GPC5: variants seen among roughly 807,000 people sequenced by gnomAD.
The protein encoded by GPC5 is glypican-5.
In GPC5, 47 loss-of-function variants were observed where a neutral mutation model predicts 53.9. The ratio of observed to expected loss-of-function variants is 0.87; its 90% CI spans 0.69 to 1.11. GPC5 has a LOEUF of 1.11. GPC5 is among the 50% of genes most tolerant of loss of function. The pLI, the probability that GPC5 is intolerant of heterozygous loss-of-function variation, is 0.00. For missense variants in GPC5, 748 were observed against 713.1 expected (o/e 1.05, Z -0.56); for synonymous variants, 286 against 263.3 (o/e 1.09, Z -0.84).
At chr13:91,846,918 G>A (rs2038855603) in intron 5 of GPC5, among the ~76,000 whole-genome samples, 1 of 151,966 alleles carries the variant, frequency 6.6e-6, no homozygotes, top group Admixed American at 6.6e-5. Context: ...TTATAATTTT[G>A]TGCAACTGAA....
At chr13:92,479,947 G>A (rs1455466194) in intron 7 of GPC5, among the ~76,000 whole-genome samples, 2 of 152,028 alleles carry the variant, frequency 1.3e-5, no homozygotes, top group African/African-American at 4.8e-5. Flanking sequence ...ATACCTTGAG[G>A]GAACTACAGT....
intron 2 of GPC5, among the ~76,000 whole-genome samples, chr13:91,688,029 T>G (rs1254888856): frequency 6.6e-6 from 1 of 152,080 alleles, no homozygotes; most frequent in Non-Finnish European, 1.5e-5. Context: ...TTTTGTTACT[T>G]GACAGTTATT....
At chr13:92,230,330 T>C (rs2139099791) in intron 7 of GPC5, among the ~76,000 whole-genome samples, 1 of 152,312 alleles carries the variant, frequency 6.6e-6, no homozygotes. Context: ...CTGTGATTTC[T>C]TTTAAAAGTT....
At chr13:92,807,791 G>T (rs925939347) in intron 7 of GPC5, among the ~76,000 whole-genome samples, 1 of 152,026 alleles carries the variant, frequency 6.6e-6, no homozygotes, top group African/African-American at 2.4e-5. Flanking sequence ...GACACAGTGC[G>T]ACTGACACGC....
intron 2 of GPC5, among the ~76,000 whole-genome samples, chr13:91,473,751 A>G (rs1211008026): frequency 1.3e-5 from 2 of 152,124 alleles, no homozygotes; most frequent in Non-Finnish European, 2.9e-5. Context: ...TATGACAGCC[A>G]TTTCTCTCCT....
At chr13:91,420,652 C>T (rs971482847) in intron 1 of GPC5, among the ~76,000 whole-genome samples, 7 of 152,176 alleles carry the variant, frequency 4.6e-5, no homozygotes, top group African/African-American at 1.7e-4. Flanking sequence ...ACCCAAATCT[C>T]ATCTAGAATT....
chr13:91,834,774 A>G (rs2038704115), intron 5 of GPC5, among the ~76,000 whole-genome samples: 1 of 152,224 alleles, frequency 6.6e-6, no homozygotes, highest in African/African-American at 2.4e-5. Flanking sequence ...TAAACCAAGG[A>G]CCTAAAACCA....
intron 7 of GPC5, among the ~76,000 whole-genome samples, chr13:92,264,554 G>C (rs1335749586): frequency 6.6e-6 from 1 of 151,974 alleles, no homozygotes; most frequent in Non-Finnish European, 1.5e-5. Flanking sequence ...TTGCTTGTAC[G>C]TTTTGTCCAA....
chr13:92,160,895 G>T (rs2041982965), intron 7 of GPC5, among the ~76,000 whole-genome samples: 1 of 152,106 alleles, frequency 6.6e-6, no homozygotes, highest in South Asian at 2.1e-4. Flanking sequence ...CCTAGACTTG[G>T]AATATTTGAA....
chr13:91,827,383 C>A (rs962916184), intron 5 of GPC5, among the ~76,000 whole-genome samples: 3 of 151,858 alleles, frequency 2.0e-5, no homozygotes, highest in Non-Finnish European at 2.9e-5. Context: ...ATAATATGCA[C>A]ACAGGCACGA....
chr13:92,313,656 C>A (rs1335877005), intron 7 of GPC5, among the ~76,000 whole-genome samples: 1 of 152,180 alleles, frequency 6.6e-6, no homozygotes, highest in Admixed American at 6.5e-5. Flanking sequence ...GACGGCACTT[C>A]CATCAAACTG....
chr13:92,416,511 A>G (rs914600548), intron 7 of GPC5, among the ~76,000 whole-genome samples: 2 of 152,204 alleles, frequency 1.3e-5, no homozygotes, highest in African/African-American at 4.8e-5. Flanking sequence ...GGACAACTGA[A>G]TATCCATACA....
At chr13:92,250,181 A>G (rs1335917167) in intron 7 of GPC5, among the ~76,000 whole-genome samples, 1 of 152,118 alleles carries the variant, frequency 6.6e-6, no homozygotes, top group Non-Finnish European at 1.5e-5. Context: ...TAAGAGAAGG[A>G]TAAAGACAAT....
chr13:91,442,479 G>A (rs1880509843), intron 1 of GPC5, among the ~76,000 whole-genome samples: 1 of 152,278 alleles, frequency 6.6e-6, no homozygotes, highest in Middle Eastern at 3.4e-3. Flanking sequence ...ACAGTGTTGT[G>A]CAACAGATCT....
intron 7 of GPC5, among the ~76,000 whole-genome samples, chr13:92,829,876 G>A (rs561726511): frequency 6.6e-6 from 1 of 152,078 alleles, no homozygotes; most frequent in Admixed American, 6.6e-5. Context: ...TTGCTAAGCA[G>A]TATAAAAGTA....
intron 7 of GPC5, among the ~76,000 whole-genome samples, chr13:92,806,634 A>G (rs1877110701): frequency 6.6e-6 from 1 of 152,022 alleles, no homozygotes; most frequent in South Asian, 2.1e-4. Context: ...TAATTAGCCT[A>G]TTTTCAGTAT....
chr13:91,651,841 A>G (rs2139560538), intron 2 of GPC5, among the ~76,000 whole-genome samples: 1 of 152,362 alleles, frequency 6.6e-6, no homozygotes, highest in Non-Finnish European at 1.5e-5. Context: ...ATGACTGATA[A>G]CAAATTATCT....
chr13:92,223,139 A>G (rs1483380313), intron 7 of GPC5, among the ~76,000 whole-genome samples: 1 of 152,146 alleles, frequency 6.6e-6, no homozygotes, highest in Admixed American at 6.5e-5. Context: ...AAAAATGACA[A>G]TTTTCTTTTA....
chr13:92,185,333 T>C (rs2042176090), intron 7 of GPC5, among the ~76,000 whole-genome samples: 1 of 152,180 alleles, frequency 6.6e-6, no homozygotes, highest in Non-Finnish European at 1.5e-5. Context: ...CATGCTAGTA[T>C]GGACATAGAT....
Sources: allele counts gnomAD v4.1 joint callset (sites outside exome capture counted in the v4.1 genomes callset), GRCh38; gene constraint gnomAD v4.1.1; transcripts MANE v1.5; gene names NCBI Gene and HGNC (gene_info 2026-07-23, HGNC 2026-07-21).